Variants in BUB1B observed in about 807,000 individuals in gnomAD.
BUB1B encodes BUB1 mitotic checkpoint serine/threonine kinase B, also known as mitotic checkpoint serine/threonine-protein kinase BUB1 beta.
In BUB1B, 86 loss-of-function variants were observed where a neutral mutation model predicts 137.7. The observed-to-expected ratio is 0.62, with a 90% CI of 0.52 to 0.75. The LOEUF (loss-of-function observed/expected upper bound fraction) is 0.75, where lower values mean the gene tolerates loss of function less well. Ranked by LOEUF, BUB1B falls within the 30% of genes least tolerant of loss-of-function variation. The pLI is 0.00. For missense variants in BUB1B, 1,130 were observed against 1,236.9 expected (o/e 0.91, Z 1.30); for synonymous variants, 420 against 417.9 (o/e 1.00, Z -0.06).
chr15:40,191,529 C>G (rs1407101884), intron 8 of BUB1B, among the ~76,000 whole-genome samples: 1 of 152,222 alleles, frequency 6.6e-6, no homozygotes, highest in Non-Finnish European at 1.5e-5. Context: ...ACTGTCATAT[C>G]TAAGAAGGCT....
chr15:40,164,928 A>C lies in BUB1B; in HGVS notation c.36-125A>C, dbSNP rs3214012. The C allele has an allele frequency of 0.69, 771,594 of 1,122,112 alleles. 271,053 individuals are homozygous for C. Among genetic ancestry groups the C allele is most frequent in the African/African-American group, 0.83 (52,899 of 64,074 alleles). The allele number at this position is 1,122,112 out of a possible 1,614,324, so 69.5% of individuals were successfully genotyped here. On this transcript the variant is annotated intron_variant, in intron 1 of 22. Coordinates refer to ENST00000287598, the MANE Select transcript of BUB1B (RefSeq NM_001211.6). ...TAGGCATATAATAATAATAATAATT[A>C]TGTGTCAGTCCACTATATTCAACCC...
chr15:40,193,014 CTTA>C (rs1181709055), intron 8 of BUB1B, among the ~76,000 whole-genome samples: 1 of 151,888 alleles, frequency 6.6e-6, no homozygotes, highest in African/African-American at 2.4e-5. Flanking sequence ...CCATGGCTGG[CTTA>C]TTATTTTTTT....
chr15:40,183,089 T>C (rs761912908), intron 5 of BUB1B, among the ~76,000 whole-genome samples: 5 of 152,156 alleles, frequency 3.3e-5, no homozygotes, highest in Non-Finnish European at 5.9e-5. Flanking sequence ...TTTACCCTTA[T>C]GATAATACTT....
intron 2 of BUB1B, among the ~76,000 whole-genome samples, 177 bp downstream of exon 2, chr15:40,165,373 A>G (rs187084079): frequency 2.8e-4 from 42 of 152,352 alleles, no homozygotes; most frequent in African/African-American, 9.1e-4. Flanking sequence ...GTCCTCAGGT[A>G]TAATTAAGAA....
chr15:40,179,637 A>C (rs1025536229), intron 5 of BUB1B, among the ~76,000 whole-genome samples: 4 of 152,006 alleles, frequency 2.6e-5, no homozygotes, highest in African/African-American at 9.7e-5. Context: ...GTTTAGGTCT[A>C]CTATTTTATT....
intron 4 of BUB1B, among the ~76,000 whole-genome samples, chr15:40,172,982 T>G (rs2037181539): frequency 6.6e-6 from 1 of 152,098 alleles, no homozygotes; most frequent in African/African-American, 2.4e-5. Flanking sequence ...TGTAATTTAT[T>G]ATAAGATTGG....
intron 5 of BUB1B, among the ~76,000 whole-genome samples, chr15:40,181,072 A>T (rs1206810862): frequency 6.7e-6 from 1 of 148,204 alleles, no homozygotes; most frequent in East Asian, 2.0e-4. Flanking sequence ...CAGAAGTTTG[A>T]TTGTGATGTG....
intron 9 of BUB1B, among the ~76,000 whole-genome samples, chr15:40,197,291 A>G (rs1339818851): frequency 6.6e-6 from 1 of 152,188 alleles, no homozygotes; most frequent in Non-Finnish European, 1.5e-5. Flanking sequence ...TTTTAAAGAC[A>G]TTATATTTCT....
chr15:40,191,778 C>A (rs1292282263), intron 8 of BUB1B, among the ~76,000 whole-genome samples: 1 of 152,114 alleles, frequency 6.6e-6, no homozygotes, highest in Non-Finnish European at 1.5e-5. Flanking sequence ...TATCAGTTGA[C>A]CAAAATGTAT....
chr15:40,212,924 A>T (rs961215966), intron 19 of BUB1B, among the ~76,000 whole-genome samples: 12 of 152,186 alleles, frequency 7.9e-5, no homozygotes, highest in Admixed American at 2.6e-4. Context: ...GCTCATGGTC[A>T]CTCTTGTTTT....
In BUB1B at chr15:40,171,564, A is replaced by C. The variant is rs139867600; in HGVS notation, c.384+883A>C. On this transcript the variant is annotated intron_variant, in intron 4 of 22. Coordinates refer to ENST00000287598, the MANE Select transcript of BUB1B (RefSeq NM_001211.6). ...CCTGTCTCAAAAAAACAACCAAAAC[A>C]GAAAAACATAATTGGGCCATTCAAC... Among the ~76,000 whole-genome samples, 707 of 152,306 alleles carry C rather than the reference A, an allele frequency of 4.6e-3. 3 individuals are homozygous for C. Among genetic ancestry groups the C allele is most frequent in the Admixed American group, 7.1e-3 (108 of 15,308 alleles).
intron 9 of BUB1B, among the ~76,000 whole-genome samples, chr15:40,197,270 T>C (rs2037510416): frequency 6.6e-6 from 1 of 152,126 alleles, no homozygotes; most frequent in East Asian, 1.9e-4. Flanking sequence ...ATTATAGATA[T>C]TCGTATTGTT....
At position 40,202,638 on chromosome 15, in the gene BUB1B, G is replaced by A. The variant is rs1221831901; in HGVS notation, c.1678G>A (p.Val560Ile). 2 of 1,614,138 alleles carry A rather than the reference G, an allele frequency of 1.2e-6. No individual in the cohort carries two copies. The highest frequency in any genetic ancestry group is 1.7e-5 in the Admixed American group (1 of 60,016). ...TTTAGCTCAACGAAGACCCCTTGCAGTTCTCAAAACCTCAGAAAGCATCAC... is the reference window on the plus strand; with the variant it reads ...TTTAGCTCAACGAAGACCCCTTGCAATTCTCAAAACCTCAGAAAGCATCAC... The part of the protein sequence containing the change: ...RVLAQRRPLA[V>I]LKTSESITSN... The change falls in exon 14 of 23, where the codon GTT (valine) becomes ATT (isoleucine). Residue 560 changes from valine (V) to isoleucine (I), a missense_variant. By Grantham distance (29) the Val-to-Ile change is conservative. Coordinates refer to ENST00000287598, the MANE Select transcript of BUB1B (RefSeq NM_001211.6).
intron 3 of BUB1B, 135 bp from the exon 4 acceptor site, chr15:40,170,402 A>G (rs1206824748): frequency 1.9e-6 from 2 of 1,071,482 alleles, no homozygotes. Context: ...TGAGGGATAC[A>G]GGCTTAGGGT....
In BUB1B at chr15:40,185,617, G is replaced by A; in HGVS notation, c.1033G>A (p.Glu345Lys). The change falls in exon 8 of 23, where the codon GAA becomes AAA. Residue 345 changes from glutamate (E) to lysine (K), a missense_variant. By Grantham distance (56) the Glu-to-Lys change is moderately conservative. Transcript: ENST00000287598. ...GCTTCCCAGTTTCACTCCATATGTG[G>A]AAGAGACTGCACGACAGCCAGTTAT... ...AVLPSFTPYV[E>K]ETARQPVMTP... 1 of 1,614,116 alleles carries A rather than the reference G, an allele frequency of 6.2e-7. No homozygotes were observed. The highest frequency in any genetic ancestry group is 8.5e-7 in the Non-Finnish European group (1 of 1,179,964).
chr15:40,161,674 A>G (rs2037044264), intron 1 of BUB1B, among the ~76,000 whole-genome samples: 3 of 152,226 alleles, frequency 2.0e-5, no homozygotes. Context: ...AGCGCTCAAC[A>G]AATGGCAGGT....
chr15:40,211,127 TTC>T (rs1316543615), intron 18 of BUB1B, among the ~76,000 whole-genome samples: 1 of 152,146 alleles, frequency 6.6e-6, no homozygotes, highest in Non-Finnish European at 1.5e-5. Flanking sequence ...TTCTCCTATA[TTC>T]TCTCTTTGTC....
At chr15:40,182,051 A>G (rs2037300781) in intron 5 of BUB1B, among the ~76,000 whole-genome samples, 1 of 152,206 alleles carries the variant, frequency 6.6e-6, no homozygotes, top group Admixed American at 6.5e-5. Flanking sequence ...TAAAAATGCA[A>G]AAATTAGCTG....
chr15:40,165,091 G>A lies in BUB1B; in HGVS notation c.74G>A (p.Ser25Asn), dbSNP rs759550625. The A allele has an allele frequency of 6.2e-7, 1 of 1,614,162 alleles. No individual in the cohort carries two copies. Among genetic ancestry groups the A allele is most frequent in the Non-Finnish European group, 8.5e-7 (1 of 1,180,040 alleles). The change falls in exon 2 of 23, where the codon AGT becomes AAT. Residue 25 changes from serine to asparagine, a missense_variant. Transcript: ENST00000287598. ...MSLEGDEWEL[S>N]KENVQPLRQG... ...CTGGAGGGAGATGAATGGGAACTGA[G>A]TAAAGAAAATGTACAACCTTTAAGG...
Sources: allele counts gnomAD v4.1 joint callset (sites outside exome capture counted in the v4.1 genomes callset), GRCh38; gene constraint gnomAD v4.1.1; transcripts MANE v1.5; gene names NCBI Gene and HGNC (gene_info 2026-07-23, HGNC 2026-07-21).